KLHL13: variants seen among roughly 807,000 people sequenced by gnomAD.
KLHL13 encodes kelch-like protein 13.
Under a neutral mutation model 37.1 loss-of-function variants are expected in KLHL13, and 10 were observed. The observed-to-expected ratio is 0.27, with a 90% CI of 0.17 to 0.46. The LOEUF (loss-of-function observed/expected upper bound fraction) is 0.46, where lower values mean the gene tolerates loss of function less well. Among genes scored for constraint, KLHL13 ranks in the 20% least tolerant of loss-of-function variants. The pLI, the probability that KLHL13 is intolerant of heterozygous loss-of-function variation, is 1.00. For missense variants in KLHL13, 360 were observed against 509.3 expected, an observed-to-expected ratio of 0.71 and a Z score of 2.82; for synonymous variants, 163 against 181.2, an observed-to-expected ratio of 0.90 and a Z score of 0.81.
intron 1 of KLHL13, among the ~76,000 whole-genome samples, chrX:118,002,502 A>C (rs1486824193): frequency 9.1e-6 from 1 of 109,345 alleles, no homozygotes; most frequent in African/African-American, 3.3e-5. Flanking sequence ...CTGAAGCAGG[A>C]GAATTGCTTG....
intron 2 of KLHL13, among the ~76,000 whole-genome samples, chrX:117,929,916 C>G (rs770618489): frequency 3.7e-5 from 4 of 108,576 alleles, no homozygotes; most frequent in African/African-American, 1.0e-4. Flanking sequence ...GAGCCAAAAT[C>G]ATGCAACTGC....
intron 1 of KLHL13, among the ~76,000 whole-genome samples, chrX:117,964,417 T>C (rs1002516321): frequency 8.9e-6 from 1 of 111,932 alleles, no homozygotes; most frequent in African/African-American, 3.2e-5. Flanking sequence ...TAAATTAAGC[T>C]ATTTAATTGC....
chrX:117,946,955 A>C (rs1199548931), intron 1 of KLHL13: 1 of 112,084 alleles, frequency 8.9e-6, no homozygotes, highest in Non-Finnish European at 1.9e-5. Flanking sequence ...TTAGAGCCAT[A>C]GTATAACCAA....
At chrX:117,943,366 T>C in intron 2 of KLHL13, among the ~76,000 whole-genome samples, 1 of 111,165 alleles carries the variant, frequency 9.0e-6, no homozygotes, top group Admixed American at 9.6e-5. Context: ...AATTTGAATG[T>C]TGGCCTCTCT....
At chrX:118,033,313 A>C (rs780936437) in intron 1 of KLHL13, among the ~76,000 whole-genome samples, 60 of 111,530 alleles carry the variant, frequency 5.4e-4, no homozygotes, top group African/African-American at 1.9e-3. Flanking sequence ...AGTTGAAATG[A>C]AGGAAAAAAT....
At chrX:118,092,916 T>G (rs1213268162) in intron 1 of KLHL13, among the ~76,000 whole-genome samples, 1 of 112,032 alleles carries the variant, frequency 8.9e-6, no homozygotes, top group African/African-American at 3.2e-5. Context: ...AATCTGTAAT[T>G]ATTTCAAACA....
chrX:118,108,622 AT>A (rs1454736354), intron 1 of KLHL13, among the ~76,000 whole-genome samples: 2 of 112,227 alleles, frequency 1.8e-5, no homozygotes, highest in African/African-American at 6.5e-5. Flanking sequence ...GTGGCCAGCA[AT>A]TAACAAACCA....
chrX:118,071,042 T>A (rs2054857464), intron 1 of KLHL13, among the ~76,000 whole-genome samples: 1 of 110,952 alleles, frequency 9.0e-6, no homozygotes, highest in Admixed American at 9.6e-5. Flanking sequence ...TTACTGAGAA[T>A]GATGATTTCC....
chrX:118,026,760 T>A lies in KLHL13; in HGVS notation c.-55-81185A>T, dbSNP rs571134626. On this transcript the variant is annotated intron_variant, in intron 1 of 6. Coordinates refer to the KLHL13 transcript ENST00000371882. Reference sequence around the variant, plus strand: ...CAGACATGATACCCAACACCATAGATACCACAGTTGGTTCAGCTTACACAA... The same window carrying A: ...CAGACATGATACCCAACACCATAGAAACCACAGTTGGTTCAGCTTACACAA... Among the ~76,000 whole-genome samples, 34 of 111,956 alleles carry A rather than the reference T, an allele frequency of 3.0e-4. No individual in the cohort carries two copies. In the East Asian group the frequency reaches 4.2e-3, roughly 14 times the overall value.
At chrX:117,977,874 C>A (rs1455016729), upstream of KLHL13, among the ~76,000 whole-genome samples, 1 of 112,125 alleles carries the variant, frequency 8.9e-6, no homozygotes, top group Non-Finnish European at 1.9e-5. Context: ...ACATTCATGG[C>A]TATGTACACT....
intron 1 of KLHL13, among the ~76,000 whole-genome samples, chrX:118,019,209 T>C (rs1382944470): frequency 8.9e-6 from 1 of 111,756 alleles, no homozygotes; most frequent in Non-Finnish European, 1.9e-5. Context: ...TTCCCATTTC[T>C]TCCCACTCCT....
intron 1 of KLHL13, among the ~76,000 whole-genome samples, chrX:118,032,900 G>C (rs1475112231): frequency 9.0e-6 from 1 of 111,607 alleles, no homozygotes; most frequent in African/African-American, 3.3e-5. Context: ...GCTTAAAGGA[G>C]CTGATGGAGC....
intron 1 of KLHL13, among the ~76,000 whole-genome samples, chrX:118,034,435 TCTCA>T (rs1449622396): frequency 3.2e-5 from 3 of 94,782 alleles, no homozygotes; most frequent in African/African-American, 4.4e-5. Context: ...GGATTAAGAA[TCTCA>T]CTCAAAGCCG....
At chrX:118,083,538 T>C (rs2055020368) in intron 1 of KLHL13, among the ~76,000 whole-genome samples, 1 of 111,419 alleles carries the variant, frequency 9.0e-6, no homozygotes, top group Non-Finnish European at 1.9e-5. Flanking sequence ...GTTTATCTCA[T>C]AGAAGTAGAG....
Position 117,920,372 on chromosome X carries a change from TACA to T in KLHL13, c.241-5_241-3del. 1 of 1,203,373 alleles carries T rather than the reference TACA, an allele frequency of 8.3e-7. No individual in the cohort carries two copies. Among genetic ancestry groups the T allele is most frequent in the Non-Finnish European group, 1.1e-6 (1 of 892,591 alleles). Reference sequence around the variant, plus strand: ...TTCAAGTCGAAGCTGGTCAAAGCCCTACAACAAGAACATGAGTTGAGTCACTAA... The same window carrying T: ...TTCAAGTCGAAGCTGGTCAAAGCCCTACAAGAACATGAGTTGAGTCACTAA... On this transcript the variant is annotated splice_polypyrimidine_tract_variant and splice_region_variant and intron_variant, in intron 2 of 6. Transcript: ENST00000262820.
intron 2 of KLHL13, among the ~76,000 whole-genome samples, chrX:117,926,691 A>G (rs7056344): frequency 0.092 from 10,012 of 108,920 alleles, 433 homozygotes; most frequent in African/African-American, 0.16. Context: ...AAAACCACAT[A>G]TTAATGAGAG....
At position 117,929,778 on chromosome X, in the gene KLHL13, C is replaced by CAA. The variant is rs761687127; in HGVS notation, c.241-9410_241-9409dup. On this transcript the variant is annotated intron_variant, in intron 2 of 6. Coordinates refer to ENST00000262820, the Ensembl canonical transcript of KLHL13. ...GCAATATAGTGAGACATCGTCTCTA[C>CAA]AAAAAAAAAAAAAAAAAAAAAAAAA... 9.8e-3 allele frequency among the ~76,000 whole-genome samples: 246 copies of CAA among 25,010 alleles called. 16 individuals carry two copies. The highest frequency in any genetic ancestry group is 0.02 in the African/African-American group (228 of 11,605). The allele number at this position is 25,010 out of a possible 115,157, so 21.7% of individuals were successfully genotyped here.
exon 1 of KLHL13, chrX:117,973,423 T>A (rs2053555851): frequency 1.0e-6 from 1 of 965,065 alleles, no homozygotes; most frequent in African/African-American, 2.0e-5. Flanking sequence ...GATCAGTGAC[T>A]AAATTCAGCA....
intron 1 of KLHL13, among the ~76,000 whole-genome samples, chrX:118,079,052 TCAA>T (rs1369215480): frequency 9.1e-6 from 1 of 109,333 alleles, no homozygotes; most frequent in Non-Finnish European, 1.9e-5. Context: ...TAAAAGACAA[TCAA>T]CAAAGAAGGA....
Sources: allele counts gnomAD v4.1 joint callset (sites outside exome capture counted in the v4.1 genomes callset), GRCh38; gene constraint gnomAD v4.1.1; transcripts MANE v1.5; gene names NCBI Gene and HGNC (gene_info 2026-07-23, HGNC 2026-07-21).